The following DGCR2 variants were observed in gnomAD, a reference collection of about 807,000 sequenced individuals.
The protein encoded by DGCR2 is DiGeorge syndrome critical region gene 2.
A neutral mutation model predicts 51.6 loss-of-function variants in DGCR2; 24 were observed. The observed-to-expected ratio is 0.47, with a 90% CI of 0.34 to 0.65. The LOEUF is 0.65. Ranked by LOEUF, DGCR2 falls within the 30% of genes least tolerant of loss-of-function variation. The pLI, the probability that DGCR2 is intolerant of heterozygous loss-of-function variation, is 0.01. For missense variants in DGCR2, 765 were observed against 772.1 expected, an observed-to-expected ratio of 0.99 and a Z score of 0.11; for synonymous variants, 340 against 315.4, an observed-to-expected ratio of 1.08 and a Z score of -0.82.
chr22:19,036,469 G>C lies in DGCR2; in HGVS notation c.*2396C>G, dbSNP rs898114265. 2 of 152,546 alleles carry C rather than the reference G, an allele frequency of 1.3e-5. No individual in the cohort carries two copies. The highest frequency in any genetic ancestry group is 4.8e-5 in the African/African-American group (2 of 41,464). 9.4% of individuals were successfully genotyped at this position (152,546 alleles called of 1,614,324 possible). On this transcript the variant is annotated 3_prime_UTR_variant, in exon 10 of 10. Coordinates refer to ENST00000263196, the MANE Select transcript of DGCR2 (RefSeq NM_005137.3). ...GCAGGTCAGAGGGCACCTGGGCTCT[G>C]AGAAACCGTGGCAAGCTGGTCCTAG...
At chr22:19,040,497 G>A (rs1016687393) in intron 9 of DGCR2, among the ~76,000 whole-genome samples, 11 of 152,202 alleles carry the variant, frequency 7.2e-5, no homozygotes, top group African/African-American at 2.7e-4. Context: ...CAGGCCAGGG[G>A]TCAGGGGCCT....
intron 9 of DGCR2, among the ~76,000 whole-genome samples, chr22:19,040,603 C>T (rs1197297235): frequency 6.6e-6 from 1 of 152,220 alleles, no homozygotes; most frequent in African/African-American, 2.4e-5. Context: ...GCCACGCTTT[C>T]CTCCCACCTC....
chr22:19,062,996 C>T (rs768387277), intron 5 of DGCR2, among the ~76,000 whole-genome samples: 2 of 152,102 alleles, frequency 1.3e-5, no homozygotes, highest in Non-Finnish European at 2.9e-5. Flanking sequence ...CAGAGGGTTC[C>T]AGAGACAGCC....
At chr22:19,062,918 A>G (rs1006711786) in intron 5 of DGCR2, among the ~76,000 whole-genome samples, 3 of 151,544 alleles carry the variant, frequency 2.0e-5, no homozygotes, top group Non-Finnish European at 2.9e-5. Context: ...TCATTTTTAT[A>G]CTCCAAGGTC....
intron 1 of DGCR2, among the ~76,000 whole-genome samples, chr22:19,107,728 T>C (rs2146044089): frequency 6.6e-6 from 1 of 152,262 alleles, no homozygotes; most frequent in South Asian, 2.1e-4. Context: ...CAGTCCTTAT[T>C]TCATGGGGGT....
chr22:19,098,684 C>G (rs936074604), intron 1 of DGCR2, among the ~76,000 whole-genome samples: 15 of 152,166 alleles, frequency 9.9e-5, no homozygotes, highest in African/African-American at 2.9e-4. Flanking sequence ...ACACCCTGGG[C>G]TCCAGTGATC....
At chr22:19,099,449 T>C (rs2083177489) in intron 1 of DGCR2, among the ~76,000 whole-genome samples, 1 of 151,324 alleles carries the variant, frequency 6.6e-6, no homozygotes, top group African/African-American at 2.4e-5. Context: ...GATGTGGTGG[T>C]GTGCATGCCT....
intron 7 of DGCR2, among the ~76,000 whole-genome samples, chr22:19,043,321 G>A (rs920125620): frequency 2.0e-5 from 3 of 152,216 alleles, no homozygotes; most frequent in Non-Finnish European, 2.9e-5. Flanking sequence ...TGTCAACACC[G>A]CCAAGAGGGA....
At chr22:19,093,279 G>A (rs978429073) in intron 1 of DGCR2, among the ~76,000 whole-genome samples, 25 of 151,362 alleles carry the variant, frequency 1.7e-4, no homozygotes, top group African/African-American at 5.8e-4. Flanking sequence ...AGAATCGCTT[G>A]AATCTGGGAG....
intron 1 of DGCR2, among the ~76,000 whole-genome samples, chr22:19,098,948 T>C (rs2146029996): frequency 6.6e-6 from 1 of 152,214 alleles, no homozygotes; most frequent in Middle Eastern, 3.4e-3. Context: ...ACCCCACACA[T>C]GGAGGCATGC....
At position 19,089,367 on chromosome 22, in the gene DGCR2, C is replaced by A. The variant is rs751178981; in HGVS notation, c.202+1G>T. On this transcript the variant is annotated splice_donor_variant, in intron 2 of 9. Coordinates refer to ENST00000263196, the MANE Select transcript of DGCR2 (RefSeq NM_005137.3). LOFTEE classifies it high-confidence loss of function. ...GTACCCCGCCTACTCAACACACTCA[C>A]CTGGACAGTTGGCTTCGTCGCTCTC... 6.2e-7 allele frequency: 1 copy of A among 1,603,056 alleles called. No homozygotes were observed. The highest frequency in any genetic ancestry group is 8.5e-7 in the Non-Finnish European group (1 of 1,174,106).
chr22:19,095,678 C>T lies in DGCR2; in HGVS notation c.80-6188G>A, dbSNP rs556039116. Among the ~76,000 whole-genome samples the T allele has an allele frequency of 8.6e-5, 12 of 139,108 alleles. No individual in the cohort carries two copies. In the South Asian group the frequency reaches 2.6e-3, roughly 31 times the overall value. 91.3% of individuals were successfully genotyped at this position (139,108 alleles called of 152,430 possible). A position where few individuals can be genotyped will look rare whatever the true frequency, so the allele number is the denominator to read the frequency against. On this transcript the variant is annotated intron_variant, in intron 1 of 9. Transcript: ENST00000263196. Reference sequence around the variant, plus strand: ...TCCGTCTCAAAAAAAAAAAAAAAAACAACTCAAATTTTACACTTTATGTAT... The same window carrying T: ...TCCGTCTCAAAAAAAAAAAAAAAAATAACTCAAATTTTACACTTTATGTAT...
At chr22:19,050,022 T>G (rs2057754) in intron 6 of DGCR2, among the ~76,000 whole-genome samples, 2 of 151,334 alleles carry the variant, frequency 1.3e-5, no homozygotes, top group African/African-American at 4.9e-5. Flanking sequence ...GAGTAACAAA[T>G]GGAGAGGAGA....
chr22:19,056,975 A>AG lies in DGCR2; in HGVS notation c.802+10dup. On this transcript the variant is annotated intron_variant, in intron 6 of 9. Coordinates refer to ENST00000263196, the MANE Select transcript of DGCR2 (RefSeq NM_005137.3). The stretch of plus-strand genomic sequence containing the variant: ...GACATTCCCCAAGAACGCCAGCTCA[A>AG]GGGGGCTTACTTCTTTTACACAGAA... 6.4e-7 allele frequency: 1 copy of AG among 1,570,562 alleles called. No homozygotes were observed. Among genetic ancestry groups the AG allele is most frequent in the South Asian group, 1.2e-5 (1 of 85,096 alleles).
intron 1 of DGCR2, among the ~76,000 whole-genome samples, chr22:19,116,137 G>A (rs998154145): frequency 4.6e-5 from 7 of 152,242 alleles, no homozygotes; most frequent in African/African-American, 1.7e-4. Flanking sequence ...ATGCTCTTAA[G>A]CCACCATACC....
chr22:19,085,105 GAA>G (rs111548476), intron 2 of DGCR2, among the ~76,000 whole-genome samples: 2 of 137,588 alleles, frequency 1.5e-5, no homozygotes. Flanking sequence ...TCCTGCCTTG[GAA>G]AAAAAAAAAA....
At chr22:19,108,363 G>A (rs1315854519) in intron 1 of DGCR2, among the ~76,000 whole-genome samples, 1 of 152,022 alleles carries the variant, frequency 6.6e-6, no homozygotes, top group Non-Finnish European at 1.5e-5. Flanking sequence ...TTGAGCCCAG[G>A]AGTTGGAGAC....
At chr22:19,075,998 G>A (rs1263674842) in intron 2 of DGCR2, among the ~76,000 whole-genome samples, 8 of 151,666 alleles carry the variant, frequency 5.3e-5, no homozygotes, top group African/African-American at 9.8e-5. Context: ...TTGCTCTGTC[G>A]CCCAAGCTGG....
At chr22:19,111,827 A>T (rs1298842268) in intron 1 of DGCR2, among the ~76,000 whole-genome samples, 1 of 151,052 alleles carries the variant, frequency 6.6e-6, no homozygotes, top group Admixed American at 6.6e-5. Context: ...TTGAACATCT[A>T]AACTCTTTTT....
Sources: gnomAD v4.1 joint callset for allele counts (sites outside exome capture counted in the v4.1 genomes callset) on GRCh38, gnomAD v4.1.1 for gene constraint, MANE v1.5 for transcripts, NCBI Gene and HGNC (gene_info 2026-07-23, HGNC 2026-07-21) for gene names.